Variants in SCD5 observed in about 807,000 individuals in gnomAD.
SCD5 encodes the protein stearoyl-CoA desaturase 5, also known as acyl-CoA-desaturase 4.
A neutral mutation model predicts 30.4 loss-of-function variants in SCD5; 20 were observed. The ratio of observed to expected loss-of-function variants is 0.66; its 90% CI spans 0.46 to 0.96. SCD5 has a LOEUF of 0.96. Ranked by LOEUF, SCD5 falls within the 40% of genes least tolerant of loss-of-function variation. SCD5 has a pLI of 0.00. For synonymous variants in SCD5, 173 were observed against 176.4 expected (o/e 0.98, Z 0.16); for missense variants, 381 against 443.3 (o/e 0.86, Z 1.26).
intron 1 of SCD5, among the ~76,000 whole-genome samples, chr4:82,727,809 GC>G (rs1340035374): frequency 3.3e-5 from 5 of 152,292 alleles, no homozygotes; most frequent in African/African-American, 1.2e-4. Context: ...TTGGATTCAA[GC>G]GATTCTCATG....
intron 3 of SCD5, among the ~76,000 whole-genome samples, chr4:82,640,491 TTGTA>T (rs1727520189): frequency 6.6e-6 from 1 of 152,198 alleles, no homozygotes; most frequent in Non-Finnish European, 1.5e-5. Flanking sequence ...GGATTCCTCT[TTGTA>T]TGTTCAGTAG....
intron 3 of SCD5, among the ~76,000 whole-genome samples, chr4:82,665,471 G>A (rs539671761): frequency 1.2e-4 from 18 of 151,886 alleles, no homozygotes; most frequent in African/African-American, 3.4e-4. Flanking sequence ...GAAACATTAC[G>A]TGCAGAGGGA....
chr4:82,685,583 C>T (rs918051553), intron 2 of SCD5, among the ~76,000 whole-genome samples: 2 of 151,618 alleles, frequency 1.3e-5, no homozygotes, highest in Non-Finnish European at 2.9e-5. Context: ...CATGGTGGTA[C>T]GCGGCTGTAA....
At chr4:82,653,100 T>G (rs2135499) in intron 3 of SCD5, among the ~76,000 whole-genome samples, 116,744 of 152,094 alleles carry the variant, frequency 0.77, 45,494 homozygotes, top group East Asian at 0.99. Context: ...GCTCCAGTGA[T>G]CCCTGCTCAT....
chr4:82,638,955 A>G (rs1239073145), intron 3 of SCD5, among the ~76,000 whole-genome samples: 1 of 152,212 alleles, frequency 6.6e-6, no homozygotes, highest in Non-Finnish European at 1.5e-5. Flanking sequence ...AGAGCAACAG[A>G]AAGTTTATGT....
intron 2 of SCD5, among the ~76,000 whole-genome samples, chr4:82,702,780 G>T (rs1719881218): frequency 6.6e-6 from 1 of 152,138 alleles, no homozygotes. Context: ...TTAAGTCAGG[G>T]TTGTAAGTCA....
intron 1 of SCD5, among the ~76,000 whole-genome samples, chr4:82,719,126 A>G (rs1425491161): frequency 6.6e-6 from 1 of 151,784 alleles, no homozygotes; most frequent in African/African-American, 2.4e-5. Context: ...GGGAATTTCA[A>G]ATTTTAAAAT....
chr4:82,718,499 C>G lies in SCD5; in HGVS notation c.233-13086G>C, dbSNP rs1057244828. 5.3e-5 allele frequency among the ~76,000 whole-genome samples: 8 copies of G among 151,882 alleles called. No homozygotes were observed. In the East Asian group the frequency reaches 1.5e-3, roughly 29 times the overall value. On this transcript the variant is annotated intron_variant, in intron 1 of 4. Transcript: ENST00000319540. ...GACCAAACGTTCCTCTATCTGGCAG[C>G]CACAGGCCAAGGACAAACATGAAGA...
At chr4:82,649,206 T>C (rs1416792651) in intron 3 of SCD5, among the ~76,000 whole-genome samples, 1 of 151,606 alleles carries the variant, frequency 6.6e-6, no homozygotes, top group Non-Finnish European at 1.5e-5. Context: ...TGTGTGTGTG[T>C]GTGTGTGTGT....
chr4:82,753,798 A>G (rs1413691358), intron 1 of SCD5, among the ~76,000 whole-genome samples: 1 of 152,052 alleles, frequency 6.6e-6, no homozygotes, highest in Admixed American at 6.5e-5. Context: ...CCCCTGACAG[A>G]AGTCTATGAA....
At chr4:82,697,903 C>A in intron 2 of SCD5, 1 of 431,792 alleles carries the variant, frequency 2.3e-6, no homozygotes, top group Non-Finnish European at 4.7e-6. Context: ...GTCTTCACTG[C>A]TTAGAGACGA....
In SCD5 at chr4:82,761,255, TCTC is replaced by T. The variant is rs1480819755; in HGVS notation, c.232+37048_232+37050del. The stretch of plus-strand genomic sequence containing the variant: ...TCATTAGAGCAGGCAACGTCTGACA[TCTC>T]CTCAACACTTGGGAGAATCTTTCTA... On this transcript the variant is annotated intron_variant, in intron 1 of 4. Transcript: ENST00000319540. Among the ~76,000 whole-genome samples, 16 of 152,312 alleles carry T rather than the reference TCTC, an allele frequency of 1.1e-4. 1 individual carries two copies. Among genetic ancestry groups the T allele is most frequent in the Admixed American group, 9.1e-4 (14 of 15,308 alleles).
intron 1 of SCD5, among the ~76,000 whole-genome samples, chr4:82,762,015 A>G (rs2148846141): frequency 6.6e-6 from 1 of 151,906 alleles, no homozygotes; most frequent in South Asian, 2.1e-4. Context: ...TCTACAAAAA[A>G]ATACAAAAAG....
chr4:82,794,276 CAG>C (rs1264141607), intron 1 of SCD5, among the ~76,000 whole-genome samples: 1 of 152,198 alleles, frequency 6.6e-6, no homozygotes, highest in Admixed American at 6.5e-5. Context: ...TCAAAGGAAA[CAG>C]GGAAAATTAC....
rs1577996332 is a variant in SCD5 at position 82,631,136 on chromosome 4, A to C, written c.*191T>G. ...AAAAACAAAACAAACAAAAAAAAAA[A>C]CGAAAGTTTTTTCATTGATAATTGT... On this transcript the variant is annotated 3_prime_UTR_variant, in exon 5 of 5. Transcript: ENST00000319540. The C allele has an allele frequency of 7.7e-6, 4 of 516,676 alleles. No individual in the cohort carries two copies. The highest frequency in any genetic ancestry group is 9.8e-6 in the Non-Finnish European group (3 of 304,708). 32.0% of individuals were successfully genotyped at this position (516,676 alleles called of 1,614,324 possible). A position where few individuals can be genotyped will look rare whatever the true frequency, so the allele number is the denominator to read the frequency against.
intron 1 of SCD5, among the ~76,000 whole-genome samples, chr4:82,712,357 G>A (rs775329173): frequency 1.6e-5 from 2 of 128,198 alleles, no homozygotes; most frequent in Non-Finnish European, 3.2e-5. Flanking sequence ...CCCAGGCTCC[G>A]CCCAGGCTGG....
At chr4:82,718,126 C>T (rs1426712342) in intron 1 of SCD5, among the ~76,000 whole-genome samples, 4 of 149,038 alleles carry the variant, frequency 2.7e-5, no homozygotes, top group Non-Finnish European at 5.9e-5. Context: ...AAGACAGTTG[C>T]TGGTTGAAGT....
intron 1 of SCD5, among the ~76,000 whole-genome samples, chr4:82,754,186 T>C (rs949940697): frequency 4.6e-5 from 7 of 152,076 alleles, no homozygotes; most frequent in African/African-American, 1.7e-4. Flanking sequence ...CAAAAGAGAA[T>C]GACAGTGCAG....
Position 82,630,452 on chromosome 4 carries a change from T to A in SCD5, c.*875A>T, listed in dbSNP as rs1727261218. The stretch of plus-strand genomic sequence containing the variant: ...TACCCTGCCTCTCTGCTCCTTCAGA[T>A]GGTTGTTTAAAAGCAATGATGGGTT... On this transcript the variant is annotated 3_prime_UTR_variant, in exon 5 of 5. Coordinates refer to ENST00000319540, the MANE Select transcript of SCD5 (RefSeq NM_001037582.3). 6.6e-6 allele frequency: 1 copy of A among 152,218 alleles called. No homozygotes were observed. The highest frequency in any genetic ancestry group is 2.4e-5 in the African/African-American group (1 of 41,446). The allele number at this position is 152,218 out of a possible 1,614,324, so 9.4% of individuals were successfully genotyped here.
Sources: allele counts gnomAD v4.1 joint callset (sites outside exome capture counted in the v4.1 genomes callset), GRCh38; gene constraint gnomAD v4.1.1; transcripts MANE v1.5; gene names NCBI Gene and HGNC (gene_info 2026-07-23, HGNC 2026-07-21).